NPHP1: variants seen among roughly 807,000 people sequenced by gnomAD.
The protein encoded by NPHP1 is nephrocystin 1, also known as nephrocystin-1.
A neutral mutation model predicts 90.4 loss-of-function variants in NPHP1; 70 were observed. That is an observed-to-expected ratio of 0.77 (90% CI 0.64 to 0.95). NPHP1 has a LOEUF of 0.95. Among genes scored for constraint, NPHP1 ranks in the 40% least tolerant of loss-of-function variants. The pLI is 0.00. For synonymous variants in NPHP1, 256 were observed against 271.7 expected, an observed-to-expected ratio of 0.94 and a Z score of 0.57; for missense variants, 764 against 795.9, an observed-to-expected ratio of 0.96 and a Z score of 0.48.
chr2:110,149,761 G>C (rs1257249049), intron 12 of NPHP1, among the ~76,000 whole-genome samples: 1 of 152,154 alleles, frequency 6.6e-6, no homozygotes, highest in African/African-American at 2.4e-5. Flanking sequence ...ATGCAATGCT[G>C]ACTCAGTGGT....
chr2:110,161,796 A>G lies in NPHP1; in HGVS notation c.860-99T>C, dbSNP rs998408969. 4 of 801,626 alleles carry G rather than the reference A, an allele frequency of 5.0e-6. No homozygotes were observed. The African/African-American group carries it at 6.8e-5, about 14-fold the overall frequency. 49.7% of individuals were successfully genotyped at this position (801,626 alleles called of 1,614,324 possible). On this transcript the variant is annotated intron_variant, in intron 9 of 19. Coordinates refer to ENST00000445609, the MANE Select transcript of NPHP1 (RefSeq NM_001128178.3). ...ATGAACTAGAGTACAGGCACTTCCA[A>G]AATGCCACGCTGCTTACTAAGAACT...
chr2:110,133,193 T>C (rs1679915894), intron 16 of NPHP1, among the ~76,000 whole-genome samples: 1 of 151,882 alleles, frequency 6.6e-6, no homozygotes, highest in African/African-American at 2.4e-5. Flanking sequence ...CACTCATGGG[T>C]AGAAAGTGAA....
Position 110,147,934 on chromosome 2 carries a change from T to G in NPHP1, c.1251A>C (p.Gly417=). The G allele has an allele frequency of 6.3e-7, 1 of 1,591,452 alleles. No homozygotes were observed. The highest frequency in any genetic ancestry group is 8.6e-7 in the Non-Finnish European group (1 of 1,159,296). The change falls in exon 13 of 20, where the codon GGA becomes GGC. Residue 417 remains glycine, a synonymous_variant. Transcript: ENST00000445609. ...GACATACATTGCGAATATAAGAAAT[T>G]CCAAGTTCAAATAATATTCCAAGAT... ...SPDLGILFEL[G]ISYIRNSTGE...
At chr2:110,189,564 C>T (rs557153920) in intron 2 of NPHP1, among the ~76,000 whole-genome samples, 90 of 152,144 alleles carry the variant, frequency 5.9e-4, no homozygotes, top group African/African-American at 2.1e-3. Context: ...TTGCAAACAG[C>T]GAAAGAACAA....
At chr2:110,160,805 T>C (rs1455634522) in intron 10 of NPHP1, among the ~76,000 whole-genome samples, 3 of 152,218 alleles carry the variant, frequency 2.0e-5, no homozygotes, top group African/African-American at 7.2e-5. Context: ...ATTTTTTATT[T>C]TTTAAGAACA....
At chr2:110,204,660 G>C (rs1253953168) in intron 1 of NPHP1, among the ~76,000 whole-genome samples, 2 of 152,032 alleles carry the variant, frequency 1.3e-5, no homozygotes, top group Admixed American at 1.3e-4. Context: ...GCGCTTAGTT[G>C]ATGGTCACGA....
At chr2:110,128,048 A>G (rs1553480765) in intron 18 of NPHP1, 1 of 152,160 alleles carries the variant, frequency 6.6e-6, no homozygotes, top group South Asian at 2.1e-4. Flanking sequence ...ACAGGAGATC[A>G]TATGTACCAT....
intron 16 of NPHP1, among the ~76,000 whole-genome samples, chr2:110,139,204 T>TACAC (rs35627203): frequency 0.013 from 1,862 of 148,622 alleles, 34 homozygotes; most frequent in African/African-American, 0.04. Context: ...ATAGCAAATT[T>TACAC]ACACACACAC....
rs56228403 is a variant in NPHP1 at position 110,142,217 on chromosome 2, T to C, written c.1529+1325A>G. On this transcript the variant is annotated intron_variant, in intron 16 of 19. Transcript: ENST00000445609. ...GTGAATGAATAAACACATTGTAGTA[T>C]ATCTATCAAAGGGAATTCAGATGCT... is the stretch of plus-strand genomic sequence containing the variant. Among the ~76,000 whole-genome samples the C allele has an allele frequency of 9.1e-3, 1,378 of 152,230 alleles. 14 individuals carry two copies. Among genetic ancestry groups the C allele is most frequent in the Non-Finnish European group, 0.015 (991 of 68,012 alleles).
At chr2:110,167,313 A>AC (rs1487532605) in intron 6 of NPHP1, among the ~76,000 whole-genome samples, 1 of 152,036 alleles carries the variant, frequency 6.6e-6, no homozygotes, top group East Asian at 1.9e-4. Context: ...TACCAGAAAA[A>AC]CCAACCCAGG....
At chr2:110,157,620 G>A (rs529679617) in intron 11 of NPHP1, among the ~76,000 whole-genome samples, 11 of 152,102 alleles carry the variant, frequency 7.2e-5, no homozygotes, top group African/African-American at 2.7e-4. Context: ...CAGAGACTAG[G>A]TGTCATGCCT....
At chr2:110,182,608 C>T (rs1245812790) in intron 2 of NPHP1, among the ~76,000 whole-genome samples, 2 of 152,120 alleles carry the variant, frequency 1.3e-5, no homozygotes, top group Admixed American at 1.3e-4. Context: ...GAATTTGTCA[C>T]CACCAGGCCT....
rs1406291775 is a variant in NPHP1 at position 110,124,080 on chromosome 2, C to A, written c.1762-17G>T. 1.2e-6 allele frequency: 2 copies of A among 1,613,550 alleles called. No individual in the cohort carries two copies. The highest frequency in any genetic ancestry group is 2.2e-5 in the East Asian group (1 of 44,874). ...TTTGTCTCTCTGGGAAAACACCACCCCCACAAATAACATTGTTATTTTTAA... is the reference window on the plus strand; with the variant it reads ...TTTGTCTCTCTGGGAAAACACCACCACCACAAATAACATTGTTATTTTTAA... On this transcript the variant is annotated splice_polypyrimidine_tract_variant and intron_variant, in intron 19 of 19. Transcript: ENST00000445609.
chr2:110,131,676 T>TA lies in NPHP1; in HGVS notation c.1642+2dup. 3 of 1,592,630 alleles carry TA rather than the reference T, an allele frequency of 1.9e-6. No individual in the cohort carries two copies. In the East Asian group the frequency reaches 6.7e-5, roughly 36 times the overall value. On this transcript the variant is annotated splice_region_variant and intron_variant, in intron 17 of 19. Coordinates refer to ENST00000445609, the MANE Select transcript of NPHP1 (RefSeq NM_001128178.3). Reference sequence around the variant, plus strand: ...ACATAAGGAAGTGGCAAAGCCCACTTACCAGTACTTTGCAAGCTCATCCTG... The same window carrying TA: ...ACATAAGGAAGTGGCAAAGCCCACTTAACCAGTACTTTGCAAGCTCATCCTG...
chr2:110,203,890 T>G (rs953672686), intron 1 of NPHP1, among the ~76,000 whole-genome samples: 2 of 151,806 alleles, frequency 1.3e-5, no homozygotes, highest in Non-Finnish European at 2.9e-5. Context: ...TGTCTCAGCC[T>G]CCCAAGTAGC....
At chr2:110,199,204 G>A (rs1685394211) in intron 2 of NPHP1, among the ~76,000 whole-genome samples, 1 of 152,030 alleles carries the variant, frequency 6.6e-6, no homozygotes, top group South Asian at 2.1e-4. Context: ...AGGCCATGAT[G>A]GGTGGATCAC....
intron 16 of NPHP1, among the ~76,000 whole-genome samples, chr2:110,142,006 T>C (rs1384550943): frequency 7.0e-6 from 1 of 142,438 alleles, no homozygotes; most frequent in Non-Finnish European, 1.5e-5. Context: ...AAAAGAAAAA[T>C]GAAAACAGTT....
chr2:110,179,502 T>A, intron 3 of NPHP1, 122 bp downstream of exon 3: 1 of 605,448 alleles, frequency 1.7e-6, no homozygotes, highest in Non-Finnish European at 3.0e-6. Flanking sequence ...CAGCACTGGC[T>A]GCAGTTAGAC....
chr2:110,167,924 CA>C (rs532638608), intron 6 of NPHP1, among the ~76,000 whole-genome samples: 1 of 152,066 alleles, frequency 6.6e-6, no homozygotes, highest in Non-Finnish European at 1.5e-5. Flanking sequence ...GTGGCATCAG[CA>C]AAAAGATATC....
Sources: allele counts gnomAD v4.1 joint callset (sites outside exome capture counted in the v4.1 genomes callset), GRCh38; gene constraint gnomAD v4.1.1; transcripts MANE v1.5; gene names NCBI Gene and HGNC (gene_info 2026-07-23, HGNC 2026-07-21).